TERF2: variants seen among roughly 807,000 people sequenced by gnomAD.
The protein encoded by TERF2 is telomeric repeat-binding factor 2.
Under a neutral mutation model 56.1 loss-of-function variants are expected in TERF2, and 16 were observed. The observed-to-expected ratio is 0.29, with a 90% CI of 0.19 to 0.43. TERF2 has a LOEUF of 0.43. Ranked by LOEUF, TERF2 falls within the 20% of genes least tolerant of loss-of-function variation. The probability of loss-of-function intolerance (pLI) is 1.00; values close to 1 mark genes in which losing one functional copy is unlikely to be tolerated. For synonymous variants in TERF2, 296 were observed against 282.1 expected, an observed-to-expected ratio of 1.05 and a Z score of -0.50; for missense variants, 547 against 712.9, an observed-to-expected ratio of 0.77 and a Z score of 2.65.
At chr16:69,358,204 C>T (rs2012991792) in intron 8 of TERF2, among the ~76,000 whole-genome samples, 1 of 152,078 alleles carries the variant, frequency 6.6e-6, no homozygotes, top group Admixed American at 6.5e-5. Context: ...TAGTACAGAC[C>T]GGGTTTCACT....
chr16:69,380,594 T>C (rs1487743554), intron 3 of TERF2, among the ~76,000 whole-genome samples: 5 of 149,674 alleles, frequency 3.3e-5, no homozygotes, highest in Non-Finnish European at 7.4e-5. Context: ...GAGGCGGAGC[T>C]TGCAGTAAGC....
chr16:69,381,124 G>A (rs900529802), intron 3 of TERF2, among the ~76,000 whole-genome samples: 1 of 152,138 alleles, frequency 6.6e-6, no homozygotes, highest in South Asian at 2.1e-4. Flanking sequence ...TTTTTTAAAT[G>A]TCAGTTGTTA....
At chr16:69,380,771 T>C (rs1320903598) in intron 3 of TERF2, among the ~76,000 whole-genome samples, 1 of 152,038 alleles carries the variant, frequency 6.6e-6, no homozygotes, top group Non-Finnish European at 1.5e-5. Context: ...CACTGAGTTA[T>C]GAAGATCTTC....
intron 8 of TERF2, among the ~76,000 whole-genome samples, chr16:69,359,197 T>G (rs1452633476): frequency 1.3e-5 from 2 of 152,336 alleles, no homozygotes; most frequent in South Asian, 2.1e-4. Flanking sequence ...ATGTATAATT[T>G]CTGCATTATA....
Position 69,356,540 on chromosome 16 carries a change from C to T in TERF2, c.*358G>A, listed in dbSNP as rs1248689704. ...CAGATGCCAGGCGCGGTGGCTCATGCCTGTAATCCCAGCACTTTGGGAGGC... is the reference window on the plus strand; with the variant it reads ...CAGATGCCAGGCGCGGTGGCTCATGTCTGTAATCCCAGCACTTTGGGAGGC... On this transcript the variant is annotated 3_prime_UTR_variant, in exon 10 of 10. Transcript: ENST00000254942. The T allele has an allele frequency of 2.3e-5, 6 of 263,970 alleles. No individual in the cohort carries two copies. The East Asian group carries it at 6.4e-4, about 28-fold the overall frequency. 16.4% of individuals were successfully genotyped at this position (263,970 alleles called of 1,614,324 possible).
intron 3 of TERF2, among the ~76,000 whole-genome samples, chr16:69,383,640 A>T (rs2014082417): frequency 6.6e-6 from 1 of 151,658 alleles, no homozygotes. Context: ...TCCTTAATTA[A>T]ATAAATAAAA....
At chr16:69,368,625 G>A in intron 5 of TERF2, 143 bp from the exon 6 acceptor site, 5 of 1,533,712 alleles carry the variant, frequency 3.3e-6, no homozygotes, top group Non-Finnish European at 4.4e-6. Flanking sequence ...CATAAAATGG[G>A]AGAGAACTTG....
At chr16:69,382,486 C>T (rs149094655) in intron 3 of TERF2, among the ~76,000 whole-genome samples, 7 of 152,312 alleles carry the variant, frequency 4.6e-5, no homozygotes, top group Non-Finnish European at 1.0e-4. Context: ...TCACCTCTTG[C>T]GGAGTCCCAT....
intron 6 of TERF2, 81 bp downstream of exon 6, chr16:69,368,295 C>T: frequency 7.4e-7 from 1 of 1,351,344 alleles, no homozygotes; most frequent in Non-Finnish European, 1.0e-6. Flanking sequence ...CTGAGAGGAA[C>T]TGATCCTGGC....
At chr16:69,384,486 T>C (rs2142774664) in intron 3 of TERF2, 94 bp downstream of exon 3, 1 of 1,350,692 alleles carries the variant, frequency 7.4e-7, no homozygotes, top group East Asian at 2.5e-5. Context: ...CCATTGCTGT[T>C]TTCCTCTGCC....
In TERF2 at chr16:69,356,757, G is replaced by A. The variant is rs1185334476; in HGVS notation, c.*141C>T. On this transcript the variant is annotated 3_prime_UTR_variant, in exon 10 of 10. Coordinates refer to ENST00000254942, the MANE Select transcript of TERF2 (RefSeq NM_005652.5). The stretch of plus-strand genomic sequence containing the variant: ...GGAGGTCGCAGTGAGCCGAGATCAC[G>A]CCACTGCACTCCAGCCTGGGTGACA... 12 of 917,768 alleles carry A rather than the reference G, an allele frequency of 1.3e-5. No homozygotes were observed. The highest frequency in any genetic ancestry group is 3.3e-5 in the Admixed American group (1 of 30,236). The allele number at this position is 917,768 out of a possible 1,614,324, so 56.9% of individuals were successfully genotyped here. A position where few individuals can be genotyped will look rare whatever the true frequency, so the allele number is the denominator to read the frequency against.
intron 3 of TERF2, among the ~76,000 whole-genome samples, chr16:69,375,998 C>T (rs2013765433): frequency 6.6e-6 from 1 of 152,126 alleles, no homozygotes; most frequent in Non-Finnish European, 1.5e-5. Context: ...AATATTTTCT[C>T]CCAACCTGTC....
Position 69,361,866 on chromosome 16 carries a change from A to G in TERF2, c.1341-377T>C, listed in dbSNP as rs528301703. Reference sequence around the variant, plus strand: ...TCTTCCTTGGACATGCCTTCTTCCTATATCTGGACTGATTTTTCCGTTTCC... The same window carrying G: ...TCTTCCTTGGACATGCCTTCTTCCTGTATCTGGACTGATTTTTCCGTTTCC... On this transcript the variant is annotated intron_variant, in intron 7 of 9. Transcript: ENST00000254942. Among the ~76,000 whole-genome samples the G allele has an allele frequency of 3.5e-5, 5 of 144,900 alleles. No homozygotes were observed. In the South Asian group the frequency reaches 6.7e-4, roughly 19 times the overall value.
At chr16:69,366,624 G>A in intron 7 of TERF2, 183 bp downstream of exon 7, 1 of 743,512 alleles carries the variant, frequency 1.3e-6, no homozygotes, top group Non-Finnish European at 2.1e-6. Context: ...CCACATGCGG[G>A]GCTTCAGAAC....
At chr16:69,360,246 G>A (rs1022819171) in intron 8 of TERF2, among the ~76,000 whole-genome samples, 20 of 151,860 alleles carry the variant, frequency 1.3e-4, no homozygotes, top group African/African-American at 4.1e-4. Flanking sequence ...TTAGCCGGGC[G>A]TGGTGCGACA....
rs1219788477 is a variant in TERF2 at position 69,385,943 on chromosome 16, G to A, written c.29C>T (p.Pro10Leu). MAAGAGTAGPASGPGVVRDP... is the reference protein window; with the variant it reads MAAGAGTAGLASGPGVVRDP... ...ACGCACGACGCCCGGGCCGGAAGCGGGGCCCGCCGTCCCGGCTCCCGCGGC... is the reference window on the plus strand; with the variant it reads ...ACGCACGACGCCCGGGCCGGAAGCGAGGCCCGCCGTCCCGGCTCCCGCGGC... The change falls in exon 1 of 10, where the codon CCC becomes CTC. Residue 10 changes from proline (P) to leucine (L), a missense_variant. Pro to Leu is a moderately conservative substitution (Grantham distance 98, BLOSUM62 -3). Coordinates refer to ENST00000254942, the MANE Select transcript of TERF2 (RefSeq NM_005652.5). The A allele has an allele frequency of 1.3e-5, 18 of 1,364,316 alleles. No individual in the cohort carries two copies. The highest frequency in any genetic ancestry group is 1.5e-5 in the African/African-American group (1 of 65,628). 84.5% of individuals were successfully genotyped at this position (1,364,316 alleles called of 1,614,324 possible).
chr16:69,357,986 G>A (rs2012976818), intron 8 of TERF2, among the ~76,000 whole-genome samples: 2 of 146,910 alleles, frequency 1.4e-5, no homozygotes, highest in South Asian at 4.4e-4. Context: ...GTGACTACAG[G>A]CGCCCGCCAC....
intron 5 of TERF2, chr16:69,370,235 T>C (rs2013514532): frequency 2.1e-6 from 1 of 473,276 alleles, no homozygotes; most frequent in Non-Finnish European, 3.7e-6. Flanking sequence ...TTCACCATGT[T>C]GCTCAGGCAG....
intron 8 of TERF2, among the ~76,000 whole-genome samples, chr16:69,360,148 AG>A (rs2013078573): frequency 6.6e-6 from 1 of 151,950 alleles, no homozygotes; most frequent in Admixed American, 6.5e-5. Context: ...ACACTTTGGG[AG>A]GCTGAGGCGA....
Sources: allele counts gnomAD v4.1 joint callset (sites outside exome capture counted in the v4.1 genomes callset), GRCh38; gene constraint gnomAD v4.1.1; transcripts MANE v1.5; gene names NCBI Gene and HGNC (gene_info 2026-07-23, HGNC 2026-07-21).